HPF1: variants seen among roughly 807,000 people sequenced by gnomAD.
The protein encoded by HPF1 is UPF0609 protein C4orf27.
Under a neutral mutation model 38.8 loss-of-function variants are expected in HPF1, and 35 were observed. That is an observed-to-expected ratio of 0.90 (90% confidence interval 0.69 to 1.19). HPF1 has a LOEUF of 1.19. HPF1 is among the 50% of genes most tolerant of loss of function. The pLI, the probability that HPF1 is intolerant of heterozygous loss-of-function variation, is 0.00. For synonymous variants in HPF1, 115 were observed against 139.2 expected (o/e 0.83, Z 1.22); for missense variants, 367 against 405.8 (o/e 0.90, Z 0.82).
At chr4:169,732,089 A>G (rs1733837081) in intron 6 of HPF1, 2 of 464,118 alleles carry the variant, frequency 4.3e-6, no homozygotes, top group Admixed American at 3.9e-5. Flanking sequence ...CAGGTTAACA[A>G]GTATTTCTTT....
rs115221629 is a variant in HPF1, at chr4:169,752,397, C to T, written c.208+1279G>A. Among the ~76,000 whole-genome samples the T allele has an allele frequency of 5.1e-3, 773 of 152,204 alleles. 9 individuals carry two copies. The highest frequency in any genetic ancestry group is 0.017 in the African/African-American group (704 of 41,544). ...TCTGTTCTGATCTACTGGCAAAATT[C>T]AGAATATGTATCAATACACATTTCC... On this transcript the variant is annotated intron_variant, in intron 2 of 7. Coordinates refer to ENST00000393381, the MANE Select transcript of HPF1 (RefSeq NM_017867.3).
chr4:169,742,027 G>C lies in HPF1; in HGVS notation c.578C>G (p.Thr193Arg). Residue 193 changes from threonine to arginine, a missense_variant, in exon 5 of 8, where the codon ACA (threonine) becomes AGA (arginine). Thr to Arg is a moderately conservative substitution (Grantham distance 71). Coordinates refer to ENST00000393381, the MANE Select transcript of HPF1 (RefSeq NM_017867.3). The stretch of plus-strand genomic sequence containing the variant: ...GTACCCCAATTCTCTGGCTGCTTCT[G>C]TGAGTTTTTCATCTATGTTTTTCAA... ...NLLKNIDEKL[T>R]EAARELGYSL... is the part of the protein sequence containing the mutation. 1 of 1,612,072 alleles carries C rather than the reference G, an allele frequency of 6.2e-7. No individual in the cohort carries two copies. Among genetic ancestry groups the C allele is most frequent in the South Asian group, 1.1e-5 (1 of 91,014 alleles).
Position 169,757,863 on chromosome 4 carries a change from G to T in HPF1, c.15C>A (p.Gly5=). 6.4e-7 allele frequency: 1 copy of T among 1,563,354 alleles called. No individual in the cohort carries two copies. Among genetic ancestry groups the T allele is most frequent in the Middle Eastern group, 1.7e-4 (1 of 5,974 alleles). Reference sequence around the variant, plus strand: ...CCTCTCCGCCGGGCCTGCGCTTCCCGCCACCGCCGACCATTCTGCAGCTGC... The same window carrying T: ...CCTCTCCGCCGGGCCTGCGCTTCCCTCCACCGCCGACCATTCTGCAGCTGC... MVGG[G]GKRRPGGEGP... is the part of the protein sequence containing the mutation. The change falls in exon 1 of 8, where the codon GGC becomes GGA. Residue 5 remains glycine (G), a synonymous_variant. Transcript: ENST00000393381.
At chr4:169,753,555 C>G in intron 2 of HPF1, 121 bp downstream of exon 2, 1 of 826,360 alleles carries the variant, frequency 1.2e-6, no homozygotes, top group East Asian at 2.7e-5. Flanking sequence ...GTCTCAAACT[C>G]CTGGCCTCAG....
rs191686044 is a variant in HPF1 at position 169,740,952 on chromosome 4, C to T, written c.648+1005G>A. On this transcript the variant is annotated intron_variant, in intron 5 of 7. Transcript: ENST00000393381. The stretch of plus-strand genomic sequence containing the variant: ...AAATACATTAACTAGGTTACAAATG[C>T]TACCCTTCCTCCTAGTCACAAAGTG... Among the ~76,000 whole-genome samples the T allele has an allele frequency of 1.8e-4, 28 of 152,330 alleles. 1 individual carries two copies. The highest frequency in any genetic ancestry group is 6.8e-3 in the Middle Eastern group (2 of 294).
Position 169,743,918 on chromosome 4 carries a change from T to C in HPF1, c.498-1811A>G, listed in dbSNP as rs573833890. 1.3e-4 allele frequency among the ~76,000 whole-genome samples: 20 copies of C among 150,740 alleles called. No individual in the cohort carries two copies. The South Asian group carries it at 1.7e-3, about 13-fold the overall frequency. ...ACAGAGGATAGTCAACTTACCCAAG[T>C]TGAGAGAGCTAATAGATTAAACCCG... On this transcript the variant is annotated intron_variant, in intron 4 of 7. Transcript: ENST00000393381.
In HPF1 at chr4:169,742,420, A is replaced by G. The variant is rs372854634; in HGVS notation, c.498-313T>C. Reference sequence around the variant, plus strand: ...CAAGGTTTAAACTGTATCACTTGATACTAAGATATGGCATACTACTTTGGA... The same window carrying G: ...CAAGGTTTAAACTGTATCACTTGATGCTAAGATATGGCATACTACTTTGGA... On this transcript the variant is annotated intron_variant, in intron 4 of 7. Coordinates refer to ENST00000393381, the MANE Select transcript of HPF1 (RefSeq NM_017867.3). Among the ~76,000 whole-genome samples, 143 of 152,340 alleles carry G rather than the reference A, an allele frequency of 9.4e-4. 1 individual carries two copies. The South Asian group carries it at 0.022, about 24-fold the overall frequency.
intron 6 of HPF1, among the ~76,000 whole-genome samples, chr4:169,736,705 A>G (rs1404489756): frequency 6.6e-6 from 1 of 152,212 alleles, no homozygotes; most frequent in Non-Finnish European, 1.5e-5. Context: ...AAATACGTGC[A>G]TTGGGCAGGA....
intron 2 of HPF1, among the ~76,000 whole-genome samples, chr4:169,753,124 C>T (rs1734141304): frequency 1.4e-5 from 2 of 143,262 alleles, no homozygotes; most frequent in African/African-American, 2.6e-5. Context: ...GCCTCTGCTT[C>T]CCAGGTTCAA....
chr4:169,753,874 AG>A, intron 1 of HPF1, 39 bp from the exon 2 acceptor site: 1 of 1,536,624 alleles, frequency 6.5e-7, no homozygotes, highest in East Asian at 2.3e-5. Flanking sequence ...TCCAAATTTC[AG>A]TAACTCTCCT....
intron 5 of HPF1, among the ~76,000 whole-genome samples, chr4:169,739,573 C>A (rs1278612690): frequency 6.6e-6 from 1 of 151,972 alleles, no homozygotes; most frequent in Non-Finnish European, 1.5e-5. Flanking sequence ...TAGAAACAAG[C>A]AAAGAAAAAC....
chr4:169,740,326 A>G (rs764631364), intron 5 of HPF1, among the ~76,000 whole-genome samples: 1 of 152,242 alleles, frequency 6.6e-6, no homozygotes, highest in South Asian at 2.1e-4. Context: ...ATAAAATAGG[A>G]TAATTCCAAC....
At chr4:169,755,631 T>C (rs115261401) in intron 1 of HPF1, among the ~76,000 whole-genome samples, 8,479 of 152,304 alleles carry the variant, frequency 0.056, 788 homozygotes, top group African/African-American at 0.19. Context: ...CTACACAATA[T>C]GGACCAACCT....
chr4:169,747,247 T>C (rs1412569912), intron 4 of HPF1, among the ~76,000 whole-genome samples: 2 of 151,488 alleles, frequency 1.3e-5, no homozygotes, highest in African/African-American at 4.9e-5. Flanking sequence ...TGGCACCAAT[T>C]TAAATTGAAT....
At position 169,742,603 on chromosome 4, in the gene HPF1, T is replaced by C. The variant is rs376313417; in HGVS notation, c.498-496A>G. Reference sequence around the variant, plus strand: ...GTCAGGAGATCAAGACCATCCTGGCTAACAAGGTGAAACCCCGTCTCTACT... The same window carrying C: ...GTCAGGAGATCAAGACCATCCTGGCCAACAAGGTGAAACCCCGTCTCTACT... On this transcript the variant is annotated intron_variant, in intron 4 of 7. Coordinates refer to ENST00000393381, the MANE Select transcript of HPF1 (RefSeq NM_017867.3). Among the ~76,000 whole-genome samples, 60 of 152,246 alleles carry C rather than the reference T, an allele frequency of 3.9e-4. 1 individual carries two copies. The highest frequency in any genetic ancestry group is 1.0e-3 in the African/African-American group (43 of 41,544).
chr4:169,742,756 C>T (rs1456788634), intron 4 of HPF1, among the ~76,000 whole-genome samples: 8 of 152,190 alleles, frequency 5.3e-5, no homozygotes, highest in African/African-American at 1.9e-4. Flanking sequence ...CGCGCCACTG[C>T]ACTCCAGCCT....
chr4:169,753,358 G>T (rs1260934339), intron 2 of HPF1, among the ~76,000 whole-genome samples: 1 of 152,116 alleles, frequency 6.6e-6, no homozygotes, highest in Non-Finnish European at 1.5e-5. Flanking sequence ...TTAGAGACGG[G>T]GTCTTGCTCT....
Position 169,738,791 on chromosome 4 carries a change from A to G in HPF1, c.649-1044T>C, listed in dbSNP as rs7694404. 4.0e-3 allele frequency among the ~76,000 whole-genome samples: 615 copies of G among 152,302 alleles called. 8 individuals are homozygous for G. The highest frequency in any genetic ancestry group is 0.014 in the African/African-American group (590 of 41,570). On this transcript the variant is annotated intron_variant, in intron 5 of 7. Coordinates refer to ENST00000393381, the MANE Select transcript of HPF1 (RefSeq NM_017867.3). ...AAATAAAACCATACACATATACACC[A>G]TGGAATACTATGCAGCCATAAAAAA...
chr4:169,740,313 TC>T (rs1292653838), intron 5 of HPF1, among the ~76,000 whole-genome samples: 1 of 152,226 alleles, frequency 6.6e-6, no homozygotes, highest in Non-Finnish European at 1.5e-5. Flanking sequence ...AATTTACTCA[TC>T]TATAAAATAG....
Sources: allele counts gnomAD v4.1 joint callset (sites outside exome capture counted in the v4.1 genomes callset), GRCh38; gene constraint gnomAD v4.1.1; transcripts MANE v1.5; gene names NCBI Gene and HGNC (gene_info 2026-07-23, HGNC 2026-07-21).